Variants in NBEAL1 observed in about 807,000 individuals in gnomAD.
NBEAL1 encodes the protein neurobeachin-like protein 1.
A neutral mutation model predicts 351.3 loss-of-function variants in NBEAL1; 273 were observed. That is an observed-to-expected ratio of 0.78 (90% CI 0.70 to 0.86). The LOEUF is 0.86. Among genes scored for constraint, NBEAL1 ranks in the 40% least tolerant of loss-of-function variants. NBEAL1 has a pLI of 0.00. For missense variants in NBEAL1, 2,961 were observed against 3,201.3 expected (o/e 0.92, Z 1.81); for synonymous variants, 1,050 against 1,086.4 (o/e 0.97, Z 0.66).
chr2:203,086,745 G>A (rs2061968106), intron 10 of NBEAL1, among the ~76,000 whole-genome samples: 1 of 152,160 alleles, frequency 6.6e-6, no homozygotes, highest in African/African-American at 2.4e-5. Context: ...ATGTTGGCCA[G>A]GTTGGTCTTG....
chr2:203,023,513 T>A (rs1314677753), intron 2 of NBEAL1, among the ~76,000 whole-genome samples: 1 of 152,226 alleles, frequency 6.6e-6, no homozygotes, highest in Non-Finnish European at 1.5e-5. Context: ...AAACTTTAAA[T>A]TTCCCTGGAA....
intron 9 of NBEAL1, among the ~76,000 whole-genome samples, 178 bp downstream of exon 9, chr2:203,083,703 A>G (rs1435821979): frequency 6.6e-6 from 1 of 152,162 alleles, no homozygotes; most frequent in East Asian, 1.9e-4. Context: ...GTTTGTTACA[A>G]CCTCTTTGCT....
At chr2:203,094,884 G>A (rs974344888) in intron 10 of NBEAL1, among the ~76,000 whole-genome samples, 1 of 152,182 alleles carries the variant, frequency 6.6e-6, no homozygotes, top group Non-Finnish European at 1.5e-5. Flanking sequence ...CACTTTTGGA[G>A]GCCAAGGCAG....
At chr2:203,042,846 A>C (rs959569658) in intron 3 of NBEAL1, among the ~76,000 whole-genome samples, 1 of 152,130 alleles carries the variant, frequency 6.6e-6, no homozygotes, top group Admixed American at 6.6e-5. Context: ...TCGGACTCCC[A>C]AAGTGCTGGG....
At chr2:203,187,506 A>C (rs927633562) in intron 44 of NBEAL1, among the ~76,000 whole-genome samples, 3 of 149,714 alleles carry the variant, frequency 2.0e-5, no homozygotes, top group Non-Finnish European at 3.0e-5. Flanking sequence ...TTGGGAGGCC[A>C]AGGCGGGTGG....
intron 55 of NBEAL1, among the ~76,000 whole-genome samples, chr2:203,215,213 G>A (rs188312274): frequency 4.3e-4 from 65 of 151,796 alleles, no homozygotes; most frequent in African/African-American, 1.5e-3. Flanking sequence ...AAAATTAGCC[G>A]GGTGTGGGCC....
At chr2:203,119,192 G>A (rs1428108476) in intron 18 of NBEAL1, among the ~76,000 whole-genome samples, 3 of 150,868 alleles carry the variant, frequency 2.0e-5, no homozygotes, top group Non-Finnish European at 3.0e-5. Flanking sequence ...TTAAAGACAG[G>A]GTATCACTCC....
intron 47 of NBEAL1, among the ~76,000 whole-genome samples, chr2:203,194,324 T>A (rs942204909): frequency 6.6e-6 from 1 of 152,178 alleles, no homozygotes; most frequent in Admixed American, 6.5e-5. Context: ...CAGGAGTAGT[T>A]AATGGTGTAA....
intron 25 of NBEAL1, among the ~76,000 whole-genome samples, chr2:203,131,664 A>G (rs919552805): frequency 1.6e-4 from 25 of 152,172 alleles, no homozygotes; most frequent in African/African-American, 6.0e-4. Flanking sequence ...GACTTTTCAC[A>G]CATGTCTGCA....
intron 42 of NBEAL1, among the ~76,000 whole-genome samples, chr2:203,175,807 C>T (rs1383889940): frequency 6.6e-6 from 1 of 152,138 alleles, no homozygotes; most frequent in African/African-American, 2.4e-5. Context: ...TCAGTAAATC[C>T]TCCACATAGC....
At chr2:203,085,288 C>G (rs1240919804) in intron 10 of NBEAL1, 1 of 152,180 alleles carries the variant, frequency 6.6e-6, no homozygotes, top group Non-Finnish European at 1.5e-5. Flanking sequence ...CCGGGTTTCA[C>G]CATGTTGGCC....
intron 18 of NBEAL1, among the ~76,000 whole-genome samples, chr2:203,117,846 CTTT>C: frequency 7.2e-6 from 1 of 139,272 alleles, no homozygotes; most frequent in South Asian, 2.3e-4. Flanking sequence ...CCATGCTGAG[CTTT>C]TTTTTTTTTT....
At chr2:203,099,589 C>A in intron 11 of NBEAL1, 40 bp from the exon 12 acceptor site, 1 of 1,323,736 alleles carries the variant, frequency 7.6e-7, no homozygotes, top group Non-Finnish European at 1.0e-6. Flanking sequence ...AAATCGTGAG[C>A]ACATTTGTTA....
chr2:203,124,275 G>T (rs2062891907), intron 19 of NBEAL1, among the ~76,000 whole-genome samples: 2 of 152,178 alleles, frequency 1.3e-5, no homozygotes, highest in Admixed American at 6.5e-5. Context: ...CGAGACTGCA[G>T]TGAGCCGTGA....
At chr2:203,153,916 G>C (rs2063728398) in intron 35 of NBEAL1, among the ~76,000 whole-genome samples, 1 of 151,850 alleles carries the variant, frequency 6.6e-6, no homozygotes, top group Non-Finnish European at 1.5e-5. Context: ...CTTAGTCTCA[G>C]TTGTTCTTTT....
chr2:203,070,195 C>CT (rs1032249679), intron 7 of NBEAL1, among the ~76,000 whole-genome samples: 21 of 145,668 alleles, frequency 1.4e-4, no homozygotes, highest in South Asian at 4.4e-4. Context: ...TGGACATTGA[C>CT]TTTTTTTTTT....
chr2:203,192,800 G>C (rs892404835), intron 46 of NBEAL1, among the ~76,000 whole-genome samples: 1 of 151,906 alleles, frequency 6.6e-6, no homozygotes, highest in Non-Finnish European at 1.5e-5. Context: ...CCTTTTAACT[G>C]TGCCTTTGAA....
intron 3 of NBEAL1, among the ~76,000 whole-genome samples, chr2:203,049,336 C>T (rs558921943): frequency 9.9e-5 from 15 of 152,202 alleles, no homozygotes; most frequent in Admixed American, 2.6e-4. Context: ...GGATTACAGG[C>T]GTGAGCCACT....
At chr2:203,127,248 CACTT>C (rs2062959340) in intron 23 of NBEAL1, among the ~76,000 whole-genome samples, 1 of 152,178 alleles carries the variant, frequency 6.6e-6, no homozygotes, top group Middle Eastern at 3.2e-3. Flanking sequence ...TAATGTAAAA[CACTT>C]AAAGTATGTC....
Sources: allele counts gnomAD v4.1 joint callset (sites outside exome capture counted in the v4.1 genomes callset), GRCh38; gene constraint gnomAD v4.1.1; transcripts MANE v1.5; gene names NCBI Gene and HGNC (gene_info 2026-07-23, HGNC 2026-07-21).